The following CCBE1 variants were observed in gnomAD, a reference collection of about 807,000 sequenced individuals.
CCBE1 encodes collagen and calcium-binding EGF domain-containing protein 1.
CCBE1 carries 37 observed loss-of-function variants against 50.0 expected under a neutral mutation model. The observed-to-expected ratio is 0.74, with a 90% CI of 0.57 to 0.97. CCBE1 has a LOEUF of 0.97. CCBE1 is among the 50% of genes least tolerant of loss of function. The probability of loss-of-function intolerance (pLI) is 0.00; values close to 1 mark genes in which losing one functional copy is unlikely to be tolerated. For missense variants in CCBE1, 538 were observed against 523.8 expected, an observed-to-expected ratio of 1.03 and a Z score of -0.26; for synonymous variants, 234 against 203.7, an observed-to-expected ratio of 1.15 and a Z score of -1.27.
At chr18:59,550,291 G>A (rs1195967596) in intron 2 of CCBE1, among the ~76,000 whole-genome samples, 2 of 152,178 alleles carry the variant, frequency 1.3e-5, no homozygotes, top group Non-Finnish European at 2.9e-5. Context: ...CTGGAACACA[G>A]CCATACTCAT....
chr18:59,460,747 G>A (rs1486189781), intron 5 of CCBE1, among the ~76,000 whole-genome samples: 1 of 151,932 alleles, frequency 6.6e-6, no homozygotes, highest in African/African-American at 2.4e-5. Context: ...GCCTGGCCAA[G>A]ATGGTGAAAC....
intron 2 of CCBE1, among the ~76,000 whole-genome samples, chr18:59,640,408 C>G (rs2053971355): frequency 6.6e-6 from 1 of 152,094 alleles, no homozygotes; most frequent in Admixed American, 6.5e-5. Flanking sequence ...ATAAATGGTC[C>G]TGGGATAGCT....
chr18:59,448,148 G>C (rs1390212314), intron 6 of CCBE1, 45 bp from the exon 7 acceptor site: 1 of 1,611,744 alleles, frequency 6.2e-7, no homozygotes, highest in South Asian at 1.1e-5. Context: ...AATGGCAGAA[G>C]AGAGCCTCGG....
chr18:59,444,782 T>G (rs1910599066), intron 7 of CCBE1, among the ~76,000 whole-genome samples: 1 of 152,156 alleles, frequency 6.6e-6, no homozygotes, highest in Admixed American at 6.5e-5. Flanking sequence ...GTAGTTTTGG[T>G]TTGCAATGCT....
At chr18:59,639,151 C>G (rs1199629340) in intron 2 of CCBE1, among the ~76,000 whole-genome samples, 1 of 152,118 alleles carries the variant, frequency 6.6e-6, no homozygotes, top group Non-Finnish European at 1.5e-5. Flanking sequence ...TGTGCACCTG[C>G]AGTCCCAGGA....
intron 2 of CCBE1, among the ~76,000 whole-genome samples, chr18:59,582,891 C>T (rs1179904795): frequency 1.3e-5 from 2 of 152,192 alleles, no homozygotes; most frequent in Non-Finnish European, 2.9e-5. Context: ...TAGCTCACTG[C>T]AGCCTCCAGC....
intron 2 of CCBE1, among the ~76,000 whole-genome samples, chr18:59,579,059 C>T (rs1361926078): frequency 1.3e-5 from 2 of 152,128 alleles, no homozygotes; most frequent in Non-Finnish European, 2.9e-5. Flanking sequence ...ATTTCAGCCC[C>T]AGTGAAGTCT....
chr18:59,462,932 A>C (rs541989848), intron 5 of CCBE1, among the ~76,000 whole-genome samples: 1 of 152,368 alleles, frequency 6.6e-6, no homozygotes, highest in South Asian at 2.1e-4. Flanking sequence ...ATACCAAAAA[A>C]CAATGTAAAA....
At chr18:59,558,156 T>A (rs1248415442) in intron 2 of CCBE1, among the ~76,000 whole-genome samples, 1 of 152,226 alleles carries the variant, frequency 6.6e-6, no homozygotes, top group Non-Finnish European at 1.5e-5. Flanking sequence ...TAAAGCAAGA[T>A]CACTTGGCTT....
intron 2 of CCBE1, among the ~76,000 whole-genome samples, chr18:59,546,608 AC>A (rs1402429724): frequency 2.0e-5 from 3 of 152,248 alleles, no homozygotes; most frequent in Admixed American, 2.0e-4. Flanking sequence ...GATAAAAGAA[AC>A]AAAATCCTTG....
chr18:59,672,990 C>T (rs902094465), intron 2 of CCBE1, among the ~76,000 whole-genome samples: 1 of 151,704 alleles, frequency 6.6e-6, no homozygotes, highest in African/African-American at 2.4e-5. Flanking sequence ...ACCTGTTCCC[C>T]AAAAACCTAT....
intron 2 of CCBE1, among the ~76,000 whole-genome samples, chr18:59,665,893 C>G (rs939028391): frequency 2.6e-5 from 4 of 152,200 alleles, no homozygotes; most frequent in African/African-American, 9.7e-5. Flanking sequence ...GTTAATTTTT[C>G]AGTTCACACA....
intron 2 of CCBE1, among the ~76,000 whole-genome samples, chr18:59,586,695 A>G (rs1481165836): frequency 3.9e-5 from 6 of 152,214 alleles, no homozygotes; most frequent in African/African-American, 1.4e-4. Context: ...CAAAGCCCAA[A>G]ATTTTCAACA....
intron 2 of CCBE1, among the ~76,000 whole-genome samples, chr18:59,568,876 A>C (rs1019007158): frequency 6.6e-6 from 1 of 152,212 alleles, no homozygotes. Flanking sequence ...CGTAAAGGAC[A>C]TGGGCAGGCC....
chr18:59,641,477 G>A (rs2053989489), intron 2 of CCBE1, among the ~76,000 whole-genome samples: 1 of 152,022 alleles, frequency 6.6e-6, no homozygotes, highest in African/African-American at 2.4e-5. Context: ...GGTGAGGACC[G>A]AAACACTACC....
At chr18:59,599,481 C>T (rs2053401674) in intron 2 of CCBE1, among the ~76,000 whole-genome samples, 1 of 152,178 alleles carries the variant, frequency 6.6e-6, no homozygotes, top group Non-Finnish European at 1.5e-5. Context: ...TCTTCTGTTG[C>T]AGCTCATTTC....
intron 2 of CCBE1, among the ~76,000 whole-genome samples, chr18:59,677,149 A>G (rs187816562): frequency 2.8e-4 from 43 of 152,346 alleles, no homozygotes; most frequent in Non-Finnish European, 5.7e-4. Flanking sequence ...ACAGGAAGCA[A>G]AGAACAGTTG....
At chr18:59,584,821 T>A (rs903080877) in intron 2 of CCBE1, among the ~76,000 whole-genome samples, 8 of 152,202 alleles carry the variant, frequency 5.3e-5, no homozygotes, top group African/African-American at 1.7e-4. Flanking sequence ...CTCTTTTCTT[T>A]ATAAATTACC....
intron 2 of CCBE1, 26 bp from the exon 3 acceptor site, chr18:59,480,264 T>C: frequency 6.8e-7 from 1 of 1,467,990 alleles, no homozygotes; most frequent in Non-Finnish European, 9.5e-7. Flanking sequence ...ACATTTAAAA[T>C]ATAATAATTA....
Sources: gnomAD v4.1 joint callset for allele counts (sites outside exome capture counted in the v4.1 genomes callset) on GRCh38, gnomAD v4.1.1 for gene constraint, MANE v1.5 for transcripts, NCBI Gene and HGNC (gene_info 2026-07-23, HGNC 2026-07-21) for gene names.